The following GABRG3 variants were observed in gnomAD, a reference collection of about 807,000 sequenced individuals.
GABRG3 encodes gamma-aminobutyric acid receptor subunit gamma-3.
GABRG3 carries 25 observed loss-of-function variants against 48.8 expected under a neutral mutation model. The ratio of observed to expected loss-of-function variants is 0.51; its 90% confidence interval spans 0.37 to 0.72. The LOEUF is 0.72. Among genes scored for constraint, GABRG3 ranks in the 30% least tolerant of loss-of-function variants. The pLI is 0.00. For missense variants in GABRG3, 394 were observed against 577.9 expected, an observed-to-expected ratio of 0.68 and a Z score of 3.26; for synonymous variants, 227 against 217.6, an observed-to-expected ratio of 1.04 and a Z score of -0.38.
At chr15:27,027,049 G>C (rs1323533408) in intron 3 of GABRG3, 1 of 435,172 alleles carries the variant, frequency 2.3e-6, no homozygotes, top group Admixed American at 4.0e-5. Context: ...CAACATCCAA[G>C]AGACCTGTCT....
rs1282784524 is a variant in GABRG3 at position 27,296,385 on chromosome 15, A to C, written c.271-30424A>C. On this transcript the variant is annotated intron_variant, in intron 3 of 9. Coordinates refer to ENST00000615808, the MANE Select transcript of GABRG3 (RefSeq NM_033223.5). ...ATAAGACAAGGAAGTGGCTGGGAACAACTGTATTTGAGTAGGATTATTGAC... is the reference window on the plus strand; with the variant it reads ...ATAAGACAAGGAAGTGGCTGGGAACCACTGTATTTGAGTAGGATTATTGAC... Among the ~76,000 whole-genome samples, 2 of 152,208 alleles carry C rather than the reference A, an allele frequency of 1.3e-5. 1 individual carries two copies. Among genetic ancestry groups the C allele is most frequent in the Non-Finnish European group, 2.9e-5 (2 of 68,028 alleles).
intron 3 of GABRG3, among the ~76,000 whole-genome samples, chr15:27,296,835 T>C (rs1372136228): frequency 6.9e-6 from 1 of 145,604 alleles, no homozygotes; most frequent in African/African-American, 2.6e-5. Flanking sequence ...TTTTGTAAAA[T>C]GTACTCCTTC....
intron 5 of GABRG3, among the ~76,000 whole-genome samples, chr15:27,411,847 A>G (rs1461943555): frequency 1.3e-5 from 2 of 152,180 alleles, no homozygotes; most frequent in African/African-American, 4.8e-5. Context: ...GGCTACACCC[A>G]GTGCATTATT....
intron 5 of GABRG3, among the ~76,000 whole-genome samples, chr15:27,381,240 G>A (rs1368626650): frequency 6.6e-6 from 1 of 152,204 alleles, no homozygotes; most frequent in Non-Finnish European, 1.5e-5. Flanking sequence ...TAAAGCCCCA[G>A]CCAGTTAGAT....
intron 6 of GABRG3, among the ~76,000 whole-genome samples, chr15:27,510,387 A>C (rs1890868272): frequency 1.3e-5 from 2 of 152,096 alleles, no homozygotes; most frequent in Admixed American, 6.5e-5. Context: ...TTTTCTACTC[A>C]CATACACACA....
rs575404356 is a variant in GABRG3 at position 27,287,887 on chromosome 15, C to T, written c.271-38922C>T. On this transcript the variant is annotated intron_variant, in intron 3 of 9. Transcript: ENST00000615808. ...CCAAGTAGCTGGGACTACAGGCACC[C>T]ACCACCACACCTGGATAATTTTTTA... Among the ~76,000 whole-genome samples the T allele has an allele frequency of 2.6e-5, 4 of 151,972 alleles. No homozygotes were observed. In the South Asian group the frequency reaches 8.3e-4, roughly 32 times the overall value.
At chr15:27,308,987 T>C (rs1003816692) in intron 3 of GABRG3, among the ~76,000 whole-genome samples, 2 of 150,708 alleles carry the variant, frequency 1.3e-5, no homozygotes, top group African/African-American at 4.8e-5. Flanking sequence ...CATGTTTATA[T>C]GAAAACACAT....
At chr15:27,259,231 C>T (rs1260784874) in intron 3 of GABRG3, among the ~76,000 whole-genome samples, 1 of 152,158 alleles carries the variant, frequency 6.6e-6, no homozygotes, top group African/African-American at 2.4e-5. Context: ...GATTTCCCTT[C>T]CTTTGGTTAA....
intron 2 of GABRG3, among the ~76,000 whole-genome samples, chr15:26,998,570 A>G (rs1269669250): frequency 1.3e-5 from 2 of 152,110 alleles, no homozygotes; most frequent in African/African-American, 4.8e-5. Flanking sequence ...CCCCCTAACT[A>G]TGAGGAAGGC....
chr15:26,983,451 C>A (rs904915578), intron 2 of GABRG3, among the ~76,000 whole-genome samples: 2 of 152,116 alleles, frequency 1.3e-5, no homozygotes, highest in African/African-American at 2.4e-5. Flanking sequence ...TCTAAATTAA[C>A]CTGTTTAATT....
At chr15:27,264,549 C>T (rs940075810) in intron 3 of GABRG3, among the ~76,000 whole-genome samples, 23 of 151,402 alleles carry the variant, frequency 1.5e-4, no homozygotes, top group Non-Finnish European at 5.9e-5. Flanking sequence ...AAGCTCCCAG[C>T]ACATCAACAC....
chr15:27,117,868 A>G (rs1897669311), intron 3 of GABRG3, among the ~76,000 whole-genome samples: 1 of 152,198 alleles, frequency 6.6e-6, no homozygotes, highest in Non-Finnish European at 1.5e-5. Flanking sequence ...TGCCCTCTAG[A>G]GAAAGGGGCT....
chr15:27,480,456 T>A (rs1890071429), intron 5 of GABRG3, among the ~76,000 whole-genome samples, 194 bp from the exon 6 acceptor site: 1 of 152,148 alleles, frequency 6.6e-6, no homozygotes, highest in African/African-American at 2.4e-5. Context: ...TTCGTGAAGA[T>A]CTACAGCTGG....
chr15:27,182,913 T>C (rs915409910), intron 3 of GABRG3, among the ~76,000 whole-genome samples: 27 of 152,180 alleles, frequency 1.8e-4, no homozygotes, highest in African/African-American at 6.3e-4. Context: ...CATCCTTTGA[T>C]AGCTGAGGAT....
At chr15:27,002,758 A>G (rs551045485) in intron 2 of GABRG3, among the ~76,000 whole-genome samples, 1 of 144,400 alleles carries the variant, frequency 6.9e-6, no homozygotes, top group East Asian at 2.0e-4. Flanking sequence ...AAAAAAAAAA[A>G]AAAAAGGAAG....
chr15:27,341,001 A>G (rs367582214), intron 5 of GABRG3: 79 of 514,132 alleles, frequency 1.5e-4, no homozygotes, highest in African/African-American at 2.7e-4. Flanking sequence ...GAAGGGCAAG[A>G]TGGCTGGAAC....
intron 5 of GABRG3, among the ~76,000 whole-genome samples, chr15:27,386,976 G>A (rs1169876330): frequency 6.6e-6 from 1 of 152,128 alleles, no homozygotes; most frequent in Non-Finnish European, 1.5e-5. Flanking sequence ...ATGTTACTGT[G>A]CATATAAAAG....
At chr15:27,478,460 G>C (rs946249012) in intron 5 of GABRG3, among the ~76,000 whole-genome samples, 1 of 152,154 alleles carries the variant, frequency 6.6e-6, no homozygotes, top group Non-Finnish European at 1.5e-5. Flanking sequence ...GATATGCCAC[G>C]TCACACCTGC....
rs74869781 is a variant in GABRG3 at position 27,107,729 on chromosome 15, T to C, written c.270+80908T>C. Among the ~76,000 whole-genome samples, 106 of 152,140 alleles carry C rather than the reference T, an allele frequency of 7.0e-4. 1 individual carries two copies. The East Asian group carries it at 0.013, about 19-fold the overall frequency. On this transcript the variant is annotated intron_variant, in intron 3 of 9. Coordinates refer to ENST00000615808, the MANE Select transcript of GABRG3 (RefSeq NM_033223.5). ...ACTAATGCAATGTCTTCAATAAATATATGCTGTTCAGGTTGACTATTTCCC... is the reference window on the plus strand; with the variant it reads ...ACTAATGCAATGTCTTCAATAAATACATGCTGTTCAGGTTGACTATTTCCC...
Sources: gnomAD v4.1 joint callset for allele counts (sites outside exome capture counted in the v4.1 genomes callset) on GRCh38, gnomAD v4.1.1 for gene constraint, MANE v1.5 for transcripts, NCBI Gene and HGNC (gene_info 2026-07-23, HGNC 2026-07-21) for gene names.